LRRN1: variants seen among roughly 807,000 people sequenced by gnomAD.
LRRN1 encodes leucine-rich repeat neuronal protein 1.
LRRN1 carries 14 observed loss-of-function variants against 45.8 expected under a neutral mutation model. The ratio of observed to expected loss-of-function variants is 0.31; its 90% CI spans 0.20 to 0.48. The LOEUF is 0.48. LRRN1 is among the 20% of genes least tolerant of loss of function. LRRN1 has a pLI of 0.99. For synonymous variants in LRRN1, 359 were observed against 330.1 expected (o/e 1.09, Z -0.95); for missense variants, 789 against 874.2 (o/e 0.90, Z 1.23).
At chr3:3,826,854 C>G (rs6789903) in intron 1 of LRRN1, among the ~76,000 whole-genome samples, 6,843 of 152,228 alleles carry the variant, frequency 0.045, 206 homozygotes, top group Middle Eastern at 0.078. Context: ...GGCCCTCTTT[C>G]CTTCCCAAGA....
intron 1 of LRRN1, among the ~76,000 whole-genome samples, chr3:3,815,510 T>C (rs1258571668): frequency 6.6e-6 from 1 of 152,184 alleles, no homozygotes; most frequent in African/African-American, 2.4e-5. Context: ...GTACCCAGAA[T>C]TTTTTGGTGA....
intron 1 of LRRN1, among the ~76,000 whole-genome samples, chr3:3,815,161 C>T (rs912152103): frequency 6.6e-6 from 1 of 152,112 alleles, no homozygotes; most frequent in South Asian, 2.1e-4. Context: ...TGAAAGCATT[C>T]CTATTCTGTC....
chr3:3,842,184 AC>A (rs1387888637), intron 1 of LRRN1, among the ~76,000 whole-genome samples: 1 of 152,160 alleles, frequency 6.6e-6, no homozygotes, highest in African/African-American at 2.4e-5. Flanking sequence ...GTATGGGACT[AC>A]CATTGTATAT....
At chr3:3,836,810 C>G (rs1693527743) in intron 1 of LRRN1, among the ~76,000 whole-genome samples, 1 of 152,124 alleles carries the variant, frequency 6.6e-6, no homozygotes, top group Non-Finnish European at 1.5e-5. Context: ...GTGGGCCTGT[C>G]TGTCCCCTGT....
intron 1 of LRRN1, among the ~76,000 whole-genome samples, chr3:3,830,409 C>T (rs1693341055): frequency 6.6e-6 from 1 of 152,228 alleles, no homozygotes; most frequent in African/African-American, 2.4e-5. Flanking sequence ...CCAAAGTGCA[C>T]AACCAGGTGC....
chr3:3,846,872 A>T lies in LRRN1; in HGVS notation c.*80A>T, dbSNP rs1693791312. 1 of 1,221,630 alleles carries T rather than the reference A, an allele frequency of 8.2e-7. No homozygotes were observed. Among genetic ancestry groups the T allele is most frequent in the Non-Finnish European group, 1.1e-6 (1 of 883,820 alleles). 75.7% of individuals were successfully genotyped at this position (1,221,630 alleles called of 1,614,324 possible). ...TTCTGCAAAAGTGAACAAGTTGAAG[A>T]CTTTTGTATTTTTGACTTTGCTAGT... is the stretch of plus-strand genomic sequence containing the variant. On this transcript the variant is annotated 3_prime_UTR_variant, in exon 2 of 2. Coordinates refer to ENST00000319331, the MANE Select transcript of LRRN1 (RefSeq NM_020873.7). The surrounding 1 kb of genome is among the most constrained non-coding windows in gnomAD (Gnocchi z 5.7).
At chr3:3,839,741 CT>C (rs2106468927) in intron 1 of LRRN1, among the ~76,000 whole-genome samples, 1 of 152,148 alleles carries the variant, frequency 6.6e-6, no homozygotes, top group South Asian at 2.1e-4. Flanking sequence ...CTTTCTGATA[CT>C]TTTGTAAATG....
At position 3,846,793 on chromosome 3, in the gene LRRN1, C is replaced by T; in HGVS notation, c.*1C>T. The T allele has an allele frequency of 3.2e-6, 5 of 1,583,334 alleles. No homozygotes were observed. ...ATCCAGAAGCTATTACATGTGGTAACTCAGAGGATATTTTGCTTCTGGTAG... is the reference window on the plus strand; with the variant it reads ...ATCCAGAAGCTATTACATGTGGTAATTCAGAGGATATTTTGCTTCTGGTAG... On this transcript the variant is annotated 3_prime_UTR_variant, in exon 2 of 2. Transcript: ENST00000319331. The surrounding 1 kb of genome is among the most constrained non-coding windows in gnomAD (Gnocchi z 5.7).
chr3:3,844,193 A>G (rs933520571), intron 1 of LRRN1, among the ~76,000 whole-genome samples, 171 bp from the exon 2 acceptor site: 2 of 152,226 alleles, frequency 1.3e-5, no homozygotes, highest in Non-Finnish European at 2.9e-5. Context: ...TAAGTGGGAT[A>G]TAGTAAGAAT....
At chr3:3,800,874 G>T (rs1407261563) in intron 1 of LRRN1, 4 of 152,390 alleles carry the variant, frequency 2.6e-5, no homozygotes, top group Admixed American at 2.6e-4. Context: ...CGGGTCAGAA[G>T]CGAGGAAAGT....
At chr3:3,807,454 A>C (rs1335455771) in intron 1 of LRRN1, among the ~76,000 whole-genome samples, 1 of 152,240 alleles carries the variant, frequency 6.6e-6, no homozygotes, top group Non-Finnish European at 1.5e-5. Context: ...ACATGCACAC[A>C]CATCACACAT....
chr3:3,828,053 G>A (rs559397934), intron 1 of LRRN1, among the ~76,000 whole-genome samples: 3 of 151,478 alleles, frequency 2.0e-5, no homozygotes, highest in Admixed American at 2.0e-4. Context: ...GGTTCCAGAG[G>A]TTCAAAAATA....
At position 3,831,533 on chromosome 3, in the gene LRRN1, C is replaced by CAAAGCTGGAGAGCTGATATACCCCTG. The variant is rs145485413; in HGVS notation, c.-278-12831_-278-12830insAAAGCTGGAGAGCTGATATACCCCTG. 8.8e-4 allele frequency among the ~76,000 whole-genome samples: 9 copies of CAAAGCTGGAGAGCTGATATACCCCTG among 10,272 alleles called. 4 individuals are homozygous for CAAAGCTGGAGAGCTGATATACCCCTG. Among genetic ancestry groups the CAAAGCTGGAGAGCTGATATACCCCTG allele is most frequent in the South Asian group, 9.3e-3 (2 of 216 alleles). The allele number at this position is 10,272 out of a possible 152,430, so 6.7% of individuals were successfully genotyped here. On this transcript the variant is annotated intron_variant, in intron 1 of 1. Coordinates refer to ENST00000319331, the MANE Select transcript of LRRN1 (RefSeq NM_020873.7). ...GGTCTCTCTGAATAAGACTATGACA[C>CAAAGCTGGAGAGCTGATATACCCCTG]GGCCGGGCGCGGTGGCTCACGCCTG...
Position 3,845,380 on chromosome 3 carries a change from T to G in LRRN1, c.739T>G (p.Tyr247Asp). Reference protein sequence around the residue: ...GLDSLESLSFYDNKLVKVPQL... With the variant: ...GLDSLESLSFDDNKLVKVPQL... ...GGATAGCCTTGAGAGCCTGTCTTTT[T>G]ATGATAACAAACTGGTTAAAGTCCC... Residue 247 changes from tyrosine (Y) to aspartate (D), a missense_variant, in exon 2 of 2, where the codon TAT becomes GAT. Coordinates refer to ENST00000319331, the MANE Select transcript of LRRN1 (RefSeq NM_020873.7). The surrounding 1 kb of genome is among the most constrained non-coding windows in gnomAD (Gnocchi z 6.5). 1 of 1,614,148 alleles carries G rather than the reference T, an allele frequency of 6.2e-7. No individual in the cohort carries two copies. Among genetic ancestry groups the G allele is most frequent in the Non-Finnish European group, 8.5e-7 (1 of 1,180,020 alleles).
intron 1 of LRRN1, among the ~76,000 whole-genome samples, chr3:3,804,697 G>A (rs1473450365): frequency 1.3e-5 from 2 of 152,102 alleles, no homozygotes; most frequent in Non-Finnish European, 2.9e-5. Flanking sequence ...TATACCACTG[G>A]CAGACATGTG....
intron 1 of LRRN1, among the ~76,000 whole-genome samples, chr3:3,814,753 C>T (rs771309704): frequency 2.0e-5 from 3 of 152,144 alleles, no homozygotes; most frequent in Admixed American, 6.6e-5. Flanking sequence ...GTCTTTGCCC[C>T]CTTCTGCCAT....
chr3:3,823,767 T>C (rs1693157790), intron 1 of LRRN1, among the ~76,000 whole-genome samples: 1 of 147,552 alleles, frequency 6.8e-6, no homozygotes, highest in Non-Finnish European at 1.5e-5. Context: ...ACTGTGCCTT[T>C]CTTTTTAATT....
At position 3,811,737 on chromosome 3, in the gene LRRN1, A is replaced by G. The variant is rs1309753727; in HGVS notation, c.-279+11818A>G. ...TTCATTAAATGCATGTCGAATATCA[A>G]GTGCTATTAGAAAGGTGATATGAGG... is the stretch of plus-strand genomic sequence containing the variant. On this transcript the variant is annotated intron_variant, in intron 1 of 1. Transcript: ENST00000319331. 7.9e-5 allele frequency among the ~76,000 whole-genome samples: 12 copies of G among 152,370 alleles called. 1 individual carries two copies. The highest frequency in any genetic ancestry group is 3.3e-4 in the Admixed American group (5 of 15,306).
At position 3,845,850 on chromosome 3, in the gene LRRN1, C is replaced by G. The variant is rs113247781; in HGVS notation, c.1209C>G (p.Pro403=). 9 of 1,613,916 alleles carry G rather than the reference C, an allele frequency of 5.6e-6. No homozygotes were observed. The highest frequency in any genetic ancestry group is 1.6e-4 in the Middle Eastern group (1 of 6,082). Residue 403 remains proline (P), a synonymous_variant, in exon 2 of 2, where the codon CCC becomes CCG. Transcript: ENST00000319331. The surrounding 1 kb of genome is among the most constrained non-coding windows in gnomAD (Gnocchi z 6.5). ...TGTCCATGTTCTGTGCCATGCCGCCCGAATATAAAGGGCACCAGGTGAAGG... is the reference window on the plus strand; with the variant it reads ...TGTCCATGTTCTGTGCCATGCCGCCGGAATATAAAGGGCACCAGGTGAAGG... ...EPLSMFCAMP[P]EYKGHQVKEV...
Sources: allele counts gnomAD v4.1 joint callset (sites outside exome capture counted in the v4.1 genomes callset), GRCh38; gene constraint gnomAD v4.1.1; non-coding constraint Gnocchi (gnomAD v3.1); transcripts MANE v1.5; gene names NCBI Gene and HGNC (gene_info 2026-07-23, HGNC 2026-07-21).